Variants in AARSD1 observed in about 807,000 individuals in gnomAD.
The protein encoded by AARSD1 is alanyl-tRNA editing protein Aarsd1.
In AARSD1, 44 loss-of-function variants were observed where a neutral mutation model predicts 48.7. The ratio of observed to expected loss-of-function variants is 0.90; its 90% CI spans 0.71 to 1.16. AARSD1 has a LOEUF of 1.16. AARSD1 is among the 50% of genes most tolerant of loss of function. The pLI, the probability that AARSD1 is intolerant of heterozygous loss-of-function variation, is 0.00. For missense variants in AARSD1, 511 were observed against 523.1 expected, an observed-to-expected ratio of 0.98 and a Z score of 0.23; for synonymous variants, 189 against 194.9, an observed-to-expected ratio of 0.97 and a Z score of 0.25.
intron 9 of AARSD1, 55 bp from the exon 10 acceptor site, chr17:42,953,833 G>A: frequency 6.2e-7 from 1 of 1,610,886 alleles, no homozygotes. Flanking sequence ...CTGTGAAACT[G>A]CAGGAAGCCT....
chr17:42,954,086 G>T, intron 9 of AARSD1: 1 of 331,634 alleles, frequency 3.0e-6, no homozygotes, highest in South Asian at 3.5e-5. Flanking sequence ...GGACACAGTG[G>T]CTCACACCTG....
intron 3 of AARSD1, 75 bp downstream of exon 3, chr17:42,961,117 A>G: frequency 1.3e-6 from 2 of 1,500,748 alleles, no homozygotes. Flanking sequence ...GAGAACCCAA[A>G]CTACGTCTCA....
Position 42,956,223 on chromosome 17 carries a change from C to T in AARSD1, c.644G>A (p.Ser215Asn), listed in dbSNP as rs921335304. The T allele has an allele frequency of 6.2e-7, 1 of 1,614,014 alleles. No individual in the cohort carries two copies. Among genetic ancestry groups the T allele is most frequent in the African/African-American group, 1.3e-5 (1 of 74,914 alleles). ...ACTTACCTGAAGGTCACTGAGATTGCTCACATGGGTCCCACAGCACATGTT... is the reference window on the plus strand; with the variant it reads ...ACTTACCTGAAGGTCACTGAGATTGTTCACATGGGTCCCACAGCACATGTT... Reference protein sequence around the residue: ...DSNMCCGTHVSNLSDLQVIKI... With the variant: ...DSNMCCGTHVNNLSDLQVIKI... The change falls in exon 6 of 12, where the codon AGC (serine) becomes AAC (asparagine). Residue 215 changes from serine (S) to asparagine (N), a missense_variant. Coordinates refer to ENST00000427569, the MANE Select transcript of AARSD1 (RefSeq NM_001261434.2).
chr17:42,951,206 A>G (rs1467015654), intron 11 of AARSD1, among the ~76,000 whole-genome samples: 3 of 152,158 alleles, frequency 2.0e-5, no homozygotes, highest in South Asian at 2.1e-4. Flanking sequence ...CCATCATCAC[A>G]TAAGAGTGAA....
chr17:42,959,865 T>A (rs1725123995), intron 3 of AARSD1, among the ~76,000 whole-genome samples: 1 of 151,250 alleles, frequency 6.6e-6, no homozygotes. Context: ...GGTTTCATCA[T>A]GTTGGCCAGG....
intron 10 of AARSD1, among the ~76,000 whole-genome samples, chr17:42,952,819 CTT>C (rs111718176): frequency 3.3e-4 from 45 of 138,394 alleles, no homozygotes; most frequent in Admixed American, 5.8e-4. Flanking sequence ...CCTGTATTTA[CTT>C]TTTTTTTTTT....
chr17:42,958,325 A>G (rs1168566241), intron 3 of AARSD1, among the ~76,000 whole-genome samples: 2 of 151,812 alleles, frequency 1.3e-5, no homozygotes, highest in Non-Finnish European at 2.9e-5. Flanking sequence ...ACGTGGTGAA[A>G]CCTCGTCTCT....
rs376955035 is a variant in AARSD1 at position 42,950,611 on chromosome 17, C to T, written c.1221G>A (p.Thr407=). ...TAAGCCCTCACTCCTTAGCACTCTG[C>T]GTGCTGATGTAGTCCTGGAGAAGCG... is the stretch of plus-strand genomic sequence containing the variant. ...AQALLQDYIS[T]QSAKE is the part of the protein sequence containing the mutation. Residue 407 remains threonine, a synonymous_variant, in exon 12 of 12, where the codon ACG becomes ACA. Transcript: ENST00000427569. 59 of 1,613,786 alleles carry T rather than the reference C, an allele frequency of 3.7e-5. No homozygotes were observed. The East Asian group carries it at 3.8e-4, about 10-fold the overall frequency.
Position 42,956,387 on chromosome 17 carries a change from T to A in AARSD1, c.546+17A>T. The A allele has an allele frequency of 6.2e-7, 1 of 1,614,014 alleles. No individual in the cohort carries two copies. The highest frequency in any genetic ancestry group is 1.3e-5 in the African/African-American group (1 of 75,006). On this transcript the variant is annotated intron_variant, in intron 5 of 11. Coordinates refer to ENST00000427569, the MANE Select transcript of AARSD1 (RefSeq NM_001261434.2). ...GGAATCATTCCGCAGAAACCATCCC[T>A]CTGGCTCTACCCTTACCTGCTCCAC...
rs757142317 is a variant in AARSD1, at chr17:42,950,546, T to C, written c.*47A>G. The C allele has an allele frequency of 4.9e-5, 76 of 1,563,090 alleles. No homozygotes were observed. Among genetic ancestry groups the C allele is most frequent in the East Asian group, 3.6e-4 (16 of 44,048 alleles). On this transcript the variant is annotated 3_prime_UTR_variant, in exon 12 of 12. Coordinates refer to ENST00000427569, the MANE Select transcript of AARSD1 (RefSeq NM_001261434.2). ...AACCATTCTGAGTCAATCTATTTTA[T>C]TGACCAAAAGATTCCTGTGGAAACA...
chr17:42,951,830 G>T lies in AARSD1; in HGVS notation c.1073C>A (p.Pro358Gln). The change falls in exon 11 of 12, where the codon CCA (proline) becomes CAA (glutamine). Residue 358 changes from proline (P) to glutamine (Q), a missense_variant. Physicochemically the swap from Pro to Gln is moderately conservative, Grantham distance 76 (BLOSUM62 -1). Coordinates refer to ENST00000427569, the MANE Select transcript of AARSD1 (RefSeq NM_001261434.2). The stretch of plus-strand genomic sequence containing the variant: ...CCCCAGGGTCTCCACAGACGCAGGT[G>T]GCCCTGCCAGTAAGAAGAGTCCACC... ...KGGGLFLLAG[P>Q]PASVETLGPR... The T allele has an allele frequency of 6.2e-7, 1 of 1,614,172 alleles. No individual in the cohort carries two copies. The highest frequency in any genetic ancestry group is 8.5e-7 in the Non-Finnish European group (1 of 1,180,030).
chr17:42,952,866 T>C (rs1167668148), intron 10 of AARSD1, among the ~76,000 whole-genome samples: 1 of 148,864 alleles, frequency 6.7e-6, no homozygotes. Context: ...CAGGCTGGAG[T>C]GCAGTGGCGC....
chr17:42,961,482 G>T, intron 2 of AARSD1, 131 bp from the exon 3 acceptor site: 1 of 1,283,292 alleles, frequency 7.8e-7, no homozygotes, highest in Non-Finnish European at 1.1e-6. Flanking sequence ...AATGCCAAGT[G>T]AAATGAGTCC....
At chr17:42,953,018 A>G (rs2049500011) in intron 10 of AARSD1, among the ~76,000 whole-genome samples, 1 of 151,972 alleles carries the variant, frequency 6.6e-6, no homozygotes, top group Non-Finnish European at 1.5e-5. Context: ...CTCACTCTGT[A>G]GCCCATGCTA....
intron 10 of AARSD1, 39 bp from the exon 11 acceptor site, chr17:42,951,933 G>A: frequency 6.2e-7 from 1 of 1,606,726 alleles, no homozygotes; most frequent in Non-Finnish European, 8.5e-7. Flanking sequence ...TGATACTGAA[G>A]GATGTAGAGT....
In AARSD1 at chr17:42,964,283, CCCT is replaced by C. The variant is rs1156936414; in HGVS notation, c.40-49_40-47del. ...GAATAAGCCCCGACCCCAGCCCTAG[CCCT>C]AGCCCTCTCCACACCAGGACAGAAT... On this transcript the variant is annotated intron_variant, in intron 1 of 11. Transcript: ENST00000427569. 1.4e-5 allele frequency: 23 copies of C among 1,611,130 alleles called. No individual in the cohort carries two copies. The African/African-American group carries it at 2.8e-4, about 20-fold the overall frequency.
intron 7 of AARSD1, 26 bp from the exon 8 acceptor site, chr17:42,955,250 C>G: frequency 6.2e-7 from 1 of 1,612,944 alleles, no homozygotes; most frequent in Non-Finnish European, 8.5e-7. Context: ...CAGAGGAGAC[C>G]TGCGCAGCTT....
chr17:42,964,234 T>G lies in AARSD1; in HGVS notation c.43A>C (p.Thr15Pro), dbSNP rs780005682. ...GGACAGCAGGAGACCACGGTGGTGG[T>G]GAACTGAACAGAGAGGAATGAGAGA... is the stretch of plus-strand genomic sequence containing the variant. ...CQRDSYAREFTTTVVSCCPAE... is the reference protein window; with the variant it reads ...CQRDSYAREFPTTVVSCCPAE... Residue 15 changes from threonine (T) to proline (P), a missense_variant, in exon 2 of 12, where the codon ACC (threonine) becomes CCC (proline). By Grantham distance (38) the Thr-to-Pro change is conservative. Coordinates refer to ENST00000427569, the MANE Select transcript of AARSD1 (RefSeq NM_001261434.2). 2 of 1,613,050 alleles carry G rather than the reference T, an allele frequency of 1.2e-6. No individual in the cohort carries two copies. The highest frequency in any genetic ancestry group is 2.2e-5 in the East Asian group (1 of 44,784).
intron 3 of AARSD1, among the ~76,000 whole-genome samples, chr17:42,959,689 G>A (rs1469322950): frequency 2.7e-5 from 4 of 150,516 alleles, no homozygotes; most frequent in Admixed American, 6.6e-5. Context: ...TTTTGAGATG[G>A]AGTCTCGCTC....
Sources: allele counts gnomAD v4.1 joint callset (sites outside exome capture counted in the v4.1 genomes callset), GRCh38; gene constraint gnomAD v4.1.1; transcripts MANE v1.5; gene names NCBI Gene and HGNC (gene_info 2026-07-23, HGNC 2026-07-21).